The following MIPEP variants were observed in gnomAD, a reference collection of about 807,000 sequenced individuals.
MIPEP encodes mitochondrial intermediate peptidase.
In MIPEP, 79 loss-of-function variants were observed where a neutral mutation model predicts 90.3. The observed-to-expected ratio is 0.87, with a 90% CI of 0.73 to 1.05. MIPEP has a LOEUF of 1.05. MIPEP is among the 50% of genes least tolerant of loss of function. The pLI is 0.00. For synonymous variants in MIPEP, 334 were observed against 315.8 expected, an observed-to-expected ratio of 1.06 and a Z score of -0.61; for missense variants, 940 against 905.6, an observed-to-expected ratio of 1.04 and a Z score of -0.49.
Position 23,839,742 on chromosome 13 carries a change from TA to T in MIPEP, c.1261-17del, listed in dbSNP as rs752255030. Reference sequence around the variant, plus strand: ...GAACAACAGCCTAGAAAAAAAAATTTAAATTTGGTGGTAAATGAGGCCATCT... The same window carrying T: ...GAACAACAGCCTAGAAAAAAAAATTTAATTTGGTGGTAAATGAGGCCATCT... On this transcript the variant is annotated splice_polypyrimidine_tract_variant and intron_variant, in intron 11 of 18. Coordinates refer to ENST00000382172, the MANE Select transcript of MIPEP (RefSeq NM_005932.4). 6.3e-7 allele frequency: 1 copy of T among 1,594,718 alleles called. No homozygotes were observed. The highest frequency in any genetic ancestry group is 8.6e-7 in the Non-Finnish European group (1 of 1,169,444).
At chr13:23,764,575 T>G (rs1004238572) in intron 16 of MIPEP, among the ~76,000 whole-genome samples, 10 of 152,202 alleles carry the variant, frequency 6.6e-5, no homozygotes, top group Non-Finnish European at 1.5e-4. Context: ...TAAATTTTTT[T>G]AGAGACATGG....
intron 17 of MIPEP, among the ~76,000 whole-genome samples, chr13:23,759,880 AG>A (rs35494948): frequency 6.6e-6 from 1 of 152,094 alleles, no homozygotes; most frequent in South Asian, 2.1e-4. Flanking sequence ...GCTGCAGGGT[AG>A]GGGGATGTCC....
intron 18 of MIPEP, among the ~76,000 whole-genome samples, chr13:23,741,834 A>T (rs544020954): frequency 4.6e-5 from 7 of 152,112 alleles, no homozygotes; most frequent in African/African-American, 9.7e-5. Context: ...TTAAAAAAAA[A>T]AAATAAAAGT....
At chr13:23,745,103 A>T (rs572257716) in intron 18 of MIPEP, among the ~76,000 whole-genome samples, 1 of 152,252 alleles carries the variant, frequency 6.6e-6, no homozygotes, top group East Asian at 1.9e-4. Context: ...TACCTGACAT[A>T]CTCTAACTTA....
rs146740513 is a variant in MIPEP at position 23,762,612 on chromosome 13, G to A, written c.1849-2395C>T. The stretch of plus-strand genomic sequence containing the variant: ...TGGAAGTCAGGTGGGCGCCTTGTGA[G>A]TGGTGTCCTGAAGGAATGATCCATG... On this transcript the variant is annotated intron_variant, in intron 16 of 18. Coordinates refer to ENST00000382172, the MANE Select transcript of MIPEP (RefSeq NM_005932.4). Among the ~76,000 whole-genome samples the A allele has an allele frequency of 3.9e-3, 593 of 152,334 alleles. 4 individuals are homozygous for A. The highest frequency in any genetic ancestry group is 0.014 in the African/African-American group (564 of 41,576).
intron 16 of MIPEP, among the ~76,000 whole-genome samples, chr13:23,791,844 C>T (rs1218638515): frequency 6.6e-6 from 1 of 152,172 alleles, no homozygotes; most frequent in African/African-American, 2.4e-5. Context: ...ACTTGATACC[C>T]ACTCCATTTA....
chr13:23,870,047 A>C lies in MIPEP; in HGVS notation c.752T>G (p.Ile251Ser). The change falls in exon 6 of 19, where the codon ATT becomes AGT. Residue 251 changes from isoleucine (I) to serine (S), a missense_variant. Transcript: ENST00000382172. ...TGGTGATTCTGCGTGGAGACCATCA[A>C]TTATGATATGATCCCCAGCAGATGT... is the stretch of plus-strand genomic sequence containing the variant. ...NFTSAGDHIIIDGLHAESPDD... is the reference protein window; with the variant it reads ...NFTSAGDHIISDGLHAESPDD... 6.2e-7 allele frequency: 1 copy of C among 1,609,324 alleles called. No individual in the cohort carries two copies. The highest frequency in any genetic ancestry group is 8.5e-7 in the Non-Finnish European group (1 of 1,177,578).
intron 10 of MIPEP, among the ~76,000 whole-genome samples, chr13:23,856,585 C>G (rs1434011169): frequency 2.0e-5 from 3 of 152,090 alleles, no homozygotes; most frequent in African/African-American, 7.2e-5. Flanking sequence ...GGTCATTGGC[C>G]TTGGCACTAG....
At chr13:23,740,811 G>C (rs1443001474) in intron 18 of MIPEP, among the ~76,000 whole-genome samples, 1 of 152,224 alleles carries the variant, frequency 6.6e-6, no homozygotes, top group Non-Finnish European at 1.5e-5. Flanking sequence ...GGAGGTGTGA[G>C]GGGGATAGGA....
chr13:23,783,013 A>G (rs1286798535), intron 16 of MIPEP, among the ~76,000 whole-genome samples: 1 of 152,212 alleles, frequency 6.6e-6, no homozygotes, highest in Non-Finnish European at 1.5e-5. Context: ...TCACAGCTGA[A>G]TTCTACCAGA....
At chr13:23,762,146 AAT>A (rs1156998635) in intron 16 of MIPEP, among the ~76,000 whole-genome samples, 1 of 152,162 alleles carries the variant, frequency 6.6e-6, no homozygotes, top group Non-Finnish European at 1.5e-5. Context: ...ATAATTAAAA[AAT>A]AAATAAACAA....
At chr13:23,829,698 T>G (rs1196724549) in intron 14 of MIPEP, among the ~76,000 whole-genome samples, 1 of 152,036 alleles carries the variant, frequency 6.6e-6, no homozygotes, top group Non-Finnish European at 1.5e-5. Context: ...TCCCAGCTAC[T>G]TGGGTGGCTG....
rs188521982 is a variant in MIPEP at position 23,828,373 on chromosome 13, G to A, written c.1653+7867C>T. Among the ~76,000 whole-genome samples the A allele has an allele frequency of 5.0e-3, 758 of 152,254 alleles. 20 individuals carry two copies. The highest frequency in any genetic ancestry group is 0.037 in the Admixed American group (563 of 15,288). ...ACAGAAAAGATACGTGGTTGGAAAG[G>A]AAAAATAAAGCTGTCATTATTTTTA... On this transcript the variant is annotated intron_variant, in intron 14 of 18. Coordinates refer to ENST00000382172, the MANE Select transcript of MIPEP (RefSeq NM_005932.4).
At chr13:23,802,974 T>A (rs988738643) in intron 16 of MIPEP, among the ~76,000 whole-genome samples, 1 of 152,220 alleles carries the variant, frequency 6.6e-6, no homozygotes, top group Non-Finnish European at 1.5e-5. Context: ...TTTTGACTTA[T>A]GATAGTTTCA....
At chr13:23,869,540 C>T (rs980227114) in intron 6 of MIPEP, 92 bp from the exon 7 acceptor site, 15 of 1,141,686 alleles carry the variant, frequency 1.3e-5, no homozygotes, top group African/African-American at 1.3e-4. Context: ...ACTTGATCTG[C>T]AGATGATCAC....
chr13:23,796,594 A>AC (rs1952965165), intron 16 of MIPEP, among the ~76,000 whole-genome samples: 1 of 151,778 alleles, frequency 6.6e-6, no homozygotes, highest in African/African-American at 2.4e-5. Context: ...AAAAAAAAAA[A>AC]CAAAAAAACT....
rs1870335748 is a variant in MIPEP at position 23,862,185 on chromosome 13, T to A, written c.1053+117A>T. On this transcript the variant is annotated intron_variant, in intron 9 of 18. Coordinates refer to ENST00000382172, the MANE Select transcript of MIPEP (RefSeq NM_005932.4). ...CATCTTTATTCACCAAAACCGAGGA[T>A]CAGAAACAAGACTAAATGGACCTGT... The A allele has an allele frequency of 4.4e-6, 3 of 674,704 alleles. No homozygotes were observed. The Admixed American group carries it at 9.0e-5, about 20-fold the overall frequency. 41.8% of individuals were successfully genotyped at this position (674,704 alleles called of 1,614,324 possible).
chr13:23,788,778 T>C (rs1438680479), intron 16 of MIPEP, among the ~76,000 whole-genome samples: 2 of 152,216 alleles, frequency 1.3e-5, no homozygotes, highest in African/African-American at 4.8e-5. Flanking sequence ...GATTTCTATT[T>C]ATTCCTTTAG....
chr13:23,767,486 C>T (rs1472091135), intron 16 of MIPEP, among the ~76,000 whole-genome samples: 2 of 150,048 alleles, frequency 1.3e-5, no homozygotes, highest in African/African-American at 4.9e-5. Context: ...AAGTCTCACT[C>T]TGTTGCCCAA....
Sources: gnomAD v4.1 joint callset for allele counts (sites outside exome capture counted in the v4.1 genomes callset) on GRCh38, gnomAD v4.1.1 for gene constraint, MANE v1.5 for transcripts, NCBI Gene and HGNC (gene_info 2026-07-23, HGNC 2026-07-21) for gene names.